The following TRAPPC8 variants were observed in gnomAD, a reference collection of about 807,000 sequenced individuals.
The protein encoded by TRAPPC8 is general sporulation gene 1 homolog.
In TRAPPC8, 54 loss-of-function variants were observed where a neutral mutation model predicts 174.3. That is an observed-to-expected ratio of 0.31 (90% CI 0.25 to 0.39). TRAPPC8 has a LOEUF of 0.39. Among genes scored for constraint, TRAPPC8 ranks in the 10% least tolerant of loss-of-function variants. TRAPPC8 has a pLI of 1.00. For missense variants in TRAPPC8, 1,531 were observed against 1,699.1 expected (o/e 0.90, Z 1.74); for synonymous variants, 630 against 579.9 (o/e 1.09, Z -1.24).
At chr18:31,898,865 C>T (rs2073221984) in intron 10 of TRAPPC8, among the ~76,000 whole-genome samples, 1 of 152,158 alleles carries the variant, frequency 6.6e-6, no homozygotes, top group African/African-American at 2.4e-5. Flanking sequence ...TTTCTTTTTA[C>T]TTTCTAATCC....
chr18:31,926,207 T>G (rs961687768), intron 2 of TRAPPC8, among the ~76,000 whole-genome samples: 7 of 152,326 alleles, frequency 4.6e-5, no homozygotes, highest in Non-Finnish European at 8.8e-5. Context: ...ACAATTGTAT[T>G]GTGTATCTAT....
chr18:31,908,097 A>T (rs2036742399), intron 8 of TRAPPC8, among the ~76,000 whole-genome samples: 1 of 152,196 alleles, frequency 6.6e-6, no homozygotes, highest in Non-Finnish European at 1.5e-5. Flanking sequence ...ACCAAAAGTG[A>T]CTTTCCCATT....
chr18:31,923,262 G>A (rs2037465867), intron 2 of TRAPPC8, among the ~76,000 whole-genome samples: 1 of 152,054 alleles, frequency 6.6e-6, no homozygotes, highest in Admixed American at 6.6e-5. Flanking sequence ...TGTCAATTGG[G>A]AAAAATACAA....
chr18:31,942,807 C>G lies in TRAPPC8; in HGVS notation c.-43G>C. 7.5e-7 allele frequency: 1 copy of G among 1,327,384 alleles called. No individual in the cohort carries two copies. Among genetic ancestry groups the G allele is most frequent in the Non-Finnish European group, 9.7e-7 (1 of 1,031,866 alleles). 82.2% of individuals were successfully genotyped at this position (1,327,384 alleles called of 1,614,324 possible). A position where few individuals can be genotyped will look rare whatever the true frequency, so the allele number is the denominator to read the frequency against. Reference sequence around the variant, plus strand: ...CGGCGGCGCCCGCCCTCCGGCCCACCCTGCGAGGTTATCCTGCGGCTGCAG... The same window carrying G: ...CGGCGGCGCCCGCCCTCCGGCCCACGCTGCGAGGTTATCCTGCGGCTGCAG... On this transcript the variant is annotated 5_prime_UTR_variant, in exon 1 of 29. Coordinates refer to ENST00000283351, the MANE Select transcript of TRAPPC8 (RefSeq NM_014939.5).
Position 31,867,005 on chromosome 18 carries a change from T to C in TRAPPC8, c.2464-30A>G, listed in dbSNP as rs745564306. ...GGAGATATTTAAGTCAGTCTTATTATGTTTTCATAATATCTTAAATAGCAC... is the reference window on the plus strand; with the variant it reads ...GGAGATATTTAAGTCAGTCTTATTACGTTTTCATAATATCTTAAATAGCAC... On this transcript the variant is annotated intron_variant, in intron 17 of 28. Coordinates refer to ENST00000283351, the MANE Select transcript of TRAPPC8 (RefSeq NM_014939.5). 60 of 1,608,542 alleles carry C rather than the reference T, an allele frequency of 3.7e-5. No homozygotes were observed. The Admixed American group carries it at 8.3e-4, about 22-fold the overall frequency.
intron 10 of TRAPPC8, 78 bp downstream of exon 10, chr18:31,900,847 T>C: frequency 8.7e-7 from 1 of 1,146,156 alleles, no homozygotes; most frequent in Non-Finnish European, 1.2e-6. Context: ...TTTGGGAGTT[T>C]AGGAATGGGG....
chr18:31,916,524 T>C, intron 3 of TRAPPC8, 78 bp from the exon 4 acceptor site: 1 of 1,354,112 alleles, frequency 7.4e-7, no homozygotes, highest in Non-Finnish European at 9.8e-7. Flanking sequence ...AAACAGGAGG[T>C]TTTTGTTTGT....
chr18:31,934,513 C>A (rs561819217), intron 1 of TRAPPC8, among the ~76,000 whole-genome samples: 2 of 152,058 alleles, frequency 1.3e-5, no homozygotes, highest in East Asian at 3.9e-4. Flanking sequence ...AACAAACAAA[C>A]AAAAAAACTA....
chr18:31,941,150 T>A (rs2038319712), intron 1 of TRAPPC8, among the ~76,000 whole-genome samples: 1 of 152,192 alleles, frequency 6.6e-6, no homozygotes, highest in Non-Finnish European at 1.5e-5. Flanking sequence ...TGTGTTTTTT[T>A]AGGAATTCAA....
chr18:31,874,548 T>C lies in TRAPPC8; in HGVS notation c.1885A>G (p.Ile629Val). 1 of 1,614,144 alleles carries C rather than the reference T, an allele frequency of 6.2e-7. No homozygotes were observed. The highest frequency in any genetic ancestry group is 2.2e-5 in the East Asian group (1 of 44,874). Residue 629 changes from isoleucine (I) to valine (V), a missense_variant, in exon 13 of 29, where the codon ATT (isoleucine) becomes GTT (valine). By Grantham distance (29) the Ile-to-Val change is conservative. Coordinates refer to ENST00000283351, the MANE Select transcript of TRAPPC8 (RefSeq NM_014939.5). ...GCAGCAGATTGTTTACTTTCATTAATTAGAATATGCCTAAAAGCAGACACA... is the reference window on the plus strand; with the variant it reads ...GCAGCAGATTGTTTACTTTCATTAACTAGAATATGCCTAAAAGCAGACACA... ...NAVSAFRHIL[I>V]NESKQSAAQQ...
intron 12 of TRAPPC8, among the ~76,000 whole-genome samples, chr18:31,875,891 T>C (rs2035117512): frequency 6.6e-6 from 1 of 152,186 alleles, no homozygotes; most frequent in Non-Finnish European, 1.5e-5. Context: ...GAGAGTGGAC[T>C]GGTGGTTACC....
chr18:31,872,982 A>T (rs1201406067), intron 14 of TRAPPC8, among the ~76,000 whole-genome samples: 1 of 150,588 alleles, frequency 6.6e-6, no homozygotes, highest in East Asian at 1.9e-4. Flanking sequence ...AGGACAAAAG[A>T]AGTAATAGAG....
Position 31,916,430 on chromosome 18 carries a change from T to C in TRAPPC8, c.459A>G (p.Ser153=). 1 of 1,610,898 alleles carries C rather than the reference T, an allele frequency of 6.2e-7. No individual in the cohort carries two copies. Among genetic ancestry groups the C allele is most frequent in the Non-Finnish European group, 8.5e-7 (1 of 1,179,124 alleles). Residue 153 remains serine (S), a synonymous_variant, in exon 4 of 29, where the codon TCA becomes TCG. Transcript: ENST00000283351. ...GTTCCACAGGTTCAGCTTCACTAGATGACGCTACCAACATACCTTGTAAAC... is the reference window on the plus strand; with the variant it reads ...GTTCCACAGGTTCAGCTTCACTAGACGACGCTACCAACATACCTTGTAAAC... ...NHYLACMLVA[S]SSEAEPVEQF... is the part of the protein sequence containing the mutation.
At position 31,857,704 on chromosome 18, in the gene TRAPPC8, T is replaced by G; in HGVS notation, c.3024A>C (p.Thr1008=). 2 of 1,614,150 alleles carry G rather than the reference T, an allele frequency of 1.2e-6. No homozygotes were observed. The highest frequency in any genetic ancestry group is 1.7e-6 in the Non-Finnish European group (2 of 1,180,004). ...SASSVDFGIG[T]GSQPEVIPVP... ...CAGGAATCACCTCTGGTTGACTTCC[T>G]GTGCCAATGCCAAAGTCTACAGAAG... Residue 1008 remains threonine, a synonymous_variant, in exon 20 of 29, where the codon ACA becomes ACC. Coordinates refer to ENST00000283351, the MANE Select transcript of TRAPPC8 (RefSeq NM_014939.5).
intron 18 of TRAPPC8, among the ~76,000 whole-genome samples, chr18:31,866,269 T>C (rs1302220536): frequency 1.3e-5 from 2 of 152,116 alleles, no homozygotes; most frequent in Non-Finnish European, 2.9e-5. Flanking sequence ...ATGTTAAATC[T>C]TGAAGGGTTC....
chr18:31,892,734 T>A lies in TRAPPC8; in HGVS notation c.1597-1868A>T, dbSNP rs564872592. ...AAAAATCTTTAAAATTTTTAGCTAA[T>A]AAAATAAAAATGACACCCGGGAGCT... On this transcript the variant is annotated intron_variant, in intron 11 of 28. Coordinates refer to ENST00000283351, the MANE Select transcript of TRAPPC8 (RefSeq NM_014939.5). Among the ~76,000 whole-genome samples the A allele has an allele frequency of 2.0e-5, 3 of 152,160 alleles. No individual in the cohort carries two copies. In the South Asian group the frequency reaches 6.2e-4, roughly 32 times the overall value.
chr18:31,875,722 G>C (rs77347433), intron 12 of TRAPPC8, among the ~76,000 whole-genome samples: 2 of 152,168 alleles, frequency 1.3e-5, no homozygotes, highest in Non-Finnish European at 2.9e-5. Flanking sequence ...ATGGAAAATT[G>C]CAAGGAATGC....
At chr18:31,905,152 A>G (rs1374221713) in intron 9 of TRAPPC8, among the ~76,000 whole-genome samples, 1 of 152,198 alleles carries the variant, frequency 6.6e-6, no homozygotes, top group Non-Finnish European at 1.5e-5. Flanking sequence ...CATACGATCT[A>G]GTCTATTCTA....
At chr18:31,861,378 C>T (rs1186967905) in intron 19 of TRAPPC8, among the ~76,000 whole-genome samples, 2 of 152,026 alleles carry the variant, frequency 1.3e-5, no homozygotes, top group African/African-American at 4.8e-5. Context: ...CTAGCAATAT[C>T]AAAAACCAGA....
Sources: allele counts gnomAD v4.1 joint callset (sites outside exome capture counted in the v4.1 genomes callset), GRCh38; gene constraint gnomAD v4.1.1; transcripts MANE v1.5; gene names NCBI Gene and HGNC (gene_info 2026-07-23, HGNC 2026-07-21).